Variants in FHIT observed in about 807,000 individuals in gnomAD.
FHIT encodes the protein bis(5'-adenosyl)-triphosphatase.
A neutral mutation model predicts 17.9 loss-of-function variants in FHIT; 19 were observed. The ratio of observed to expected loss-of-function variants is 1.06; its 90% CI spans 0.74 to 1.56. The LOEUF (loss-of-function observed/expected upper bound fraction) is 1.56, where lower values mean the gene tolerates loss of function less well. Among genes scored for constraint, FHIT ranks in the 40% most tolerant of loss-of-function variants. FHIT has a pLI of 0.00. For missense variants in FHIT, 248 were observed against 189.2 expected, an observed-to-expected ratio of 1.31 and a Z score of -1.82; for synonymous variants, 81 against 69.7, an observed-to-expected ratio of 1.16 and a Z score of -0.81.
chr3:60,550,936 C>G (rs241684), intron 4 of FHIT, among the ~76,000 whole-genome samples: 145,093 of 152,202 alleles, frequency 0.95, 69,224 homozygotes, highest in East Asian at 1. Flanking sequence ...TGATCAAAAT[C>G]CAAGAACAGG....
chr3:60,066,542 C>T (rs146533359), intron 5 of FHIT, among the ~76,000 whole-genome samples: 5 of 151,398 alleles, frequency 3.3e-5, no homozygotes, highest in East Asian at 2.0e-4. Context: ...CCTCTCAAAA[C>T]GCCAACATAA....
chr3:60,977,799 A>T (rs1050874192), intron 3 of FHIT, among the ~76,000 whole-genome samples: 2 of 152,002 alleles, frequency 1.3e-5, no homozygotes, highest in Admixed American at 1.3e-4. Flanking sequence ...TGAACCCAGG[A>T]GGTAGAGGTT....
At chr3:60,543,421 G>A (rs528534142) in intron 4 of FHIT, among the ~76,000 whole-genome samples, 58 of 152,214 alleles carry the variant, frequency 3.8e-4, no homozygotes, top group African/African-American at 1.3e-3. Flanking sequence ...ATTGTAAGAT[G>A]GGTGAGGGGA....
At chr3:60,698,169 G>A (rs556729586) in intron 4 of FHIT, among the ~76,000 whole-genome samples, 18 of 152,176 alleles carry the variant, frequency 1.2e-4, no homozygotes, top group Non-Finnish European at 7.4e-5. Context: ...CTTGAAATGG[G>A]ATGACCTTTC....
chr3:60,608,770 T>C (rs2107727368), intron 4 of FHIT, among the ~76,000 whole-genome samples: 1 of 152,222 alleles, frequency 6.6e-6, no homozygotes, highest in East Asian at 1.9e-4. Context: ...GTTATTTGGT[T>C]TTGCAAGTCA....
At chr3:60,586,927 T>C (rs575411761) in intron 4 of FHIT, among the ~76,000 whole-genome samples, 6 of 152,126 alleles carry the variant, frequency 3.9e-5, no homozygotes, top group Admixed American at 3.9e-4. Context: ...AAATAAACTG[T>C]ACAATAAACC....
At chr3:60,853,361 A>G (rs1318472812) in intron 3 of FHIT, among the ~76,000 whole-genome samples, 2 of 152,118 alleles carry the variant, frequency 1.3e-5, no homozygotes, top group Non-Finnish European at 2.9e-5. Flanking sequence ...GACTTTTCAA[A>G]ATCGCTGTTT....
chr3:60,168,927 A>T (rs1447140137), intron 5 of FHIT, among the ~76,000 whole-genome samples: 1 of 152,200 alleles, frequency 6.6e-6, no homozygotes, highest in Admixed American at 6.5e-5. Context: ...ATCAAACCTG[A>T]AACACTAACT....
At chr3:60,713,809 AG>A (rs1278118552) in intron 4 of FHIT, among the ~76,000 whole-genome samples, 1 of 151,920 alleles carries the variant, frequency 6.6e-6, no homozygotes, top group Non-Finnish European at 1.5e-5. Flanking sequence ...CCAACCAAAA[AG>A]AGTCCAGGAC....
At chr3:60,295,773 T>C (rs146666097) in intron 5 of FHIT, among the ~76,000 whole-genome samples, 4 of 152,264 alleles carry the variant, frequency 2.6e-5, no homozygotes, top group African/African-American at 7.2e-5. Flanking sequence ...CCAGCAAAGA[T>C]GCAAAAGCAG....
chr3:61,232,327 C>A (rs2040126477), intron 1 of FHIT, among the ~76,000 whole-genome samples: 1 of 152,182 alleles, frequency 6.6e-6, no homozygotes, highest in Admixed American at 6.5e-5. Context: ...GTGGAGGTTG[C>A]AGTGAGCTGA....
At chr3:61,183,318 G>GTGAATGAATGAATGAATGAATGAATGAA (rs147134285) in intron 2 of FHIT, among the ~76,000 whole-genome samples, 1,719 of 151,966 alleles carry the variant, frequency 0.011, 25 homozygotes, top group East Asian at 0.058. Flanking sequence ...TCAACCACAA[G>GTGAATGAATGAATGAATGAATGAATGAA]TGAATGAATG....
chr3:61,250,290 G>C (rs2040588388), intron 1 of FHIT, among the ~76,000 whole-genome samples: 1 of 152,258 alleles, frequency 6.6e-6, no homozygotes, highest in African/African-American at 2.4e-5. Flanking sequence ...AGTTCAGGTA[G>C]ATCCGGCTTA....
At chr3:60,893,924 G>A (rs1442033490) in intron 3 of FHIT, among the ~76,000 whole-genome samples, 1 of 152,184 alleles carries the variant, frequency 6.6e-6, no homozygotes, top group Non-Finnish European at 1.5e-5. Flanking sequence ...CAGAAGGGTG[G>A]TATACAATTT....
chr3:60,136,940 A>G (rs549561466), intron 5 of FHIT, among the ~76,000 whole-genome samples: 183 of 152,332 alleles, frequency 1.2e-3, no homozygotes, highest in African/African-American at 4.2e-3. Flanking sequence ...AAGAGGTACA[A>G]TATCTCCTTG....
intron 4 of FHIT, among the ~76,000 whole-genome samples, chr3:60,702,033 T>G (rs1205687750): frequency 6.6e-6 from 1 of 152,186 alleles, no homozygotes; most frequent in African/African-American, 2.4e-5. Flanking sequence ...TGCTAATTTT[T>G]TGTATATTTT....
At chr3:60,535,662 A>G (rs1325643487) in intron 5 of FHIT, 1 of 152,062 alleles carries the variant, frequency 6.6e-6, no homozygotes, top group Non-Finnish European at 1.5e-5. Context: ...AGTTTTAAAT[A>G]TTAAGAAAAG....
intron 5 of FHIT, among the ~76,000 whole-genome samples, chr3:60,345,957 T>C (rs1710755612): frequency 6.6e-6 from 1 of 152,336 alleles, no homozygotes; most frequent in Non-Finnish European, 1.5e-5. Context: ...GAAAATCACT[T>C]CCACAACTAA....
intron 4 of FHIT, among the ~76,000 whole-genome samples, chr3:60,768,619 A>T (rs1699931576): frequency 6.6e-6 from 1 of 152,186 alleles, no homozygotes; most frequent in Non-Finnish European, 1.5e-5. Context: ...GTGAATACCA[A>T]TGTGCTCTCC....
Sources: gnomAD v4.1 joint callset for allele counts (sites outside exome capture counted in the v4.1 genomes callset) on GRCh38, gnomAD v4.1.1 for gene constraint, MANE v1.5 for transcripts, NCBI Gene and HGNC (gene_info 2026-07-23, HGNC 2026-07-21) for gene names.